MAPKAP1: variants seen among roughly 807,000 people sequenced by gnomAD.
MAPKAP1 encodes the protein MAPK associated protein 1, also known as target of rapamycin complex 2 subunit MAPKAP1.
In MAPKAP1, 20 loss-of-function variants were observed where a neutral mutation model predicts 65.7. That is an observed-to-expected ratio of 0.30 (90% CI 0.21 to 0.44). The LOEUF (loss-of-function observed/expected upper bound fraction) is 0.44, where lower values mean the gene tolerates loss of function less well. Ranked by LOEUF, MAPKAP1 falls within the 20% of genes least tolerant of loss-of-function variation. The pLI is 1.00. For synonymous variants in MAPKAP1, 222 were observed against 244.3 expected, an observed-to-expected ratio of 0.91 and a Z score of 0.85; for missense variants, 423 against 648.0, an observed-to-expected ratio of 0.65 and a Z score of 3.77.
intron 8 of MAPKAP1, among the ~76,000 whole-genome samples, chr9:125,495,832 C>A (rs1490714909): frequency 1.4e-4 from 21 of 152,136 alleles, no homozygotes; most frequent in Admixed American, 1.4e-3. Flanking sequence ...CCCAAAGGGG[C>A]CTGTGGGAAG....
chr9:125,581,045 C>T (rs1040749822), intron 5 of MAPKAP1, among the ~76,000 whole-genome samples: 1 of 152,222 alleles, frequency 6.6e-6, no homozygotes, highest in African/African-American at 2.4e-5. Flanking sequence ...CGGTTTGTTC[C>T]TCTTCTCTTG....
intron 1 of MAPKAP1, among the ~76,000 whole-genome samples, chr9:125,698,770 A>G (rs1165843666): frequency 1.3e-5 from 2 of 152,238 alleles, no homozygotes; most frequent in East Asian, 1.9e-4. Flanking sequence ...CACAAAAAAG[A>G]TAATATAAAC....
In MAPKAP1 at chr9:125,502,590, T is replaced by G. The variant is rs192316969; in HGVS notation, c.1066+3720A>C. Among the ~76,000 whole-genome samples, 35 of 152,350 alleles carry G rather than the reference T, an allele frequency of 2.3e-4. 1 individual carries two copies. Among genetic ancestry groups the G allele is most frequent in the Admixed American group, 2.1e-3 (32 of 15,308 alleles). The stretch of plus-strand genomic sequence containing the variant: ...ACCTGTTTCTCAATTTCCAAACATA[T>G]GCAGATCTTCTAGTTGTCTTGTTTT... On this transcript the variant is annotated intron_variant, in intron 8 of 11. Transcript: ENST00000265960.
intron 4 of MAPKAP1, chr9:125,651,999 G>A (rs747260892): frequency 9.2e-6 from 6 of 651,810 alleles, no homozygotes; most frequent in African/African-American, 7.7e-5. Context: ...AGAAGCAAAC[G>A]TAGTTTAACA....
chr9:125,468,155 G>A (rs747305669), intron 9 of MAPKAP1, 46 bp from the exon 10 acceptor site: 2 of 1,586,732 alleles, frequency 1.3e-6, no homozygotes, highest in East Asian at 2.2e-5. Flanking sequence ...AGAAGTAGAA[G>A]GTGTAAGTGA....
At chr9:125,660,856 G>A (rs570296568) in intron 3 of MAPKAP1, among the ~76,000 whole-genome samples, 10 of 152,080 alleles carry the variant, frequency 6.6e-5, no homozygotes, top group African/African-American at 1.4e-4. Flanking sequence ...TGACACAGCC[G>A]CCAATATGAG....
chr9:125,621,474 A>T (rs1362355050), intron 4 of MAPKAP1, among the ~76,000 whole-genome samples: 1 of 152,158 alleles, frequency 6.6e-6, no homozygotes, highest in East Asian at 1.9e-4. Context: ...CCTATCTCAG[A>T]AGTTCATATG....
intron 6 of MAPKAP1, among the ~76,000 whole-genome samples, chr9:125,549,688 A>G (rs1304670886): frequency 6.6e-6 from 1 of 152,198 alleles, no homozygotes; most frequent in East Asian, 1.9e-4. Flanking sequence ...TCTTTGCCAG[A>G]GTCCTTGGGA....
At chr9:125,446,153 T>G (rs531888086) in intron 10 of MAPKAP1, among the ~76,000 whole-genome samples, 10 of 152,160 alleles carry the variant, frequency 6.6e-5, no homozygotes, top group African/African-American at 2.4e-4. Flanking sequence ...TCTTGGGGAC[T>G]TTACAGTAGC....
At position 125,669,928 on chromosome 9, in the gene MAPKAP1, CTG is replaced by C. The variant is rs1834448005; in HGVS notation, c.260-23_260-22del. ...TTGAGCTTGAAAAGAAATATTATAA[CTG>C]TAAGTTTGTCAATGAAAGTTTACCA... is the stretch of plus-strand genomic sequence containing the variant. On this transcript the variant is annotated intron_variant, in intron 2 of 11. Coordinates refer to ENST00000265960, the MANE Select transcript of MAPKAP1 (RefSeq NM_001006617.3). The C allele has an allele frequency of 4.7e-6, 6 of 1,276,564 alleles. No individual in the cohort carries two copies. The East Asian group carries it at 1.5e-4, about 31-fold the overall frequency. 79.1% of individuals were successfully genotyped at this position (1,276,564 alleles called of 1,614,324 possible).
intron 4 of MAPKAP1, among the ~76,000 whole-genome samples, chr9:125,629,402 T>C (rs565399101): frequency 3.3e-5 from 5 of 152,352 alleles, no homozygotes; most frequent in African/African-American, 1.2e-4. Flanking sequence ...GTATATACAA[T>C]GGAACATTAT....
intron 7 of MAPKAP1, among the ~76,000 whole-genome samples, chr9:125,524,828 C>G (rs190543401): frequency 6.6e-6 from 1 of 152,324 alleles, no homozygotes; most frequent in African/African-American, 2.4e-5. Flanking sequence ...GGAAGTCCTG[C>G]TGAAAAGAAA....
chr9:125,675,972 T>TA (rs1221458936), intron 1 of MAPKAP1, among the ~76,000 whole-genome samples: 2 of 152,316 alleles, frequency 1.3e-5, no homozygotes, highest in East Asian at 1.9e-4. Context: ...AAGAATATTT[T>TA]AAAAAATCTC....
At chr9:125,652,276 G>A (rs1364840191) in intron 4 of MAPKAP1, 5 of 1,209,610 alleles carry the variant, frequency 4.1e-6, no homozygotes, top group Admixed American at 4.9e-5. Flanking sequence ...AGAGCAGCAT[G>A]CAAAAATGTA....
chr9:125,644,626 C>T (rs1273972297), intron 4 of MAPKAP1, among the ~76,000 whole-genome samples: 1 of 152,188 alleles, frequency 6.6e-6, no homozygotes, highest in Non-Finnish European at 1.5e-5. Flanking sequence ...TCATTACCTG[C>T]AGTGAAGTTA....
intron 6 of MAPKAP1, chr9:125,559,051 G>A (rs1830816603): frequency 6.6e-6 from 1 of 152,316 alleles, no homozygotes; most frequent in East Asian, 1.9e-4. Flanking sequence ...TACTAGTAAA[G>A]CCACACATAT....
chr9:125,645,466 G>A (rs905196988), intron 4 of MAPKAP1, among the ~76,000 whole-genome samples: 4 of 152,184 alleles, frequency 2.6e-5, no homozygotes, highest in African/African-American at 9.7e-5. Context: ...GCCAGGTACG[G>A]TGGCTCACGC....
intron 8 of MAPKAP1, among the ~76,000 whole-genome samples, chr9:125,503,290 C>A (rs981110011): frequency 6.6e-6 from 1 of 152,216 alleles, no homozygotes; most frequent in African/African-American, 2.4e-5. Context: ...CTACCCCTGG[C>A]AAACCCTGGA....
rs117852833 is a variant in MAPKAP1 at position 125,607,466 on chromosome 9, T to G, written c.499-21739A>C. ...TAATCTCAAACAACTCTGAGTTAGA[T>G]TCAACAATTATTTCTATTTTAGAGT... On this transcript the variant is annotated intron_variant, in intron 4 of 11. Coordinates refer to ENST00000265960, the MANE Select transcript of MAPKAP1 (RefSeq NM_001006617.3). 8.0e-4 allele frequency among the ~76,000 whole-genome samples: 122 copies of G among 152,326 alleles called. 2 individuals are homozygous for G. The East Asian group carries it at 0.021, about 26-fold the overall frequency.
Sources: gnomAD v4.1 joint callset for allele counts (sites outside exome capture counted in the v4.1 genomes callset) on GRCh38, gnomAD v4.1.1 for gene constraint, MANE v1.5 for transcripts, NCBI Gene and HGNC (gene_info 2026-07-23, HGNC 2026-07-21) for gene names.